Variants in EPAS1 observed in about 807,000 individuals in gnomAD.
The protein encoded by EPAS1 is endothelial PAS domain-containing protein 1.
Under a neutral mutation model 87.9 loss-of-function variants are expected in EPAS1, and 23 were observed. That is an observed-to-expected ratio of 0.26 (90% CI 0.19 to 0.37). EPAS1 has a LOEUF of 0.37. Among genes scored for constraint, EPAS1 ranks in the 10% least tolerant of loss-of-function variants. The probability of loss-of-function intolerance (pLI) is 1.00; values close to 1 mark genes in which losing one functional copy is unlikely to be tolerated. For missense variants in EPAS1, 1,138 were observed against 1,120.7 expected, an observed-to-expected ratio of 1.02 and a Z score of -0.22; for synonymous variants, 508 against 444.3, an observed-to-expected ratio of 1.14 and a Z score of -1.80.
chr2:46,328,317 T>C (rs987307035), intron 1 of EPAS1, among the ~76,000 whole-genome samples: 3 of 152,198 alleles, frequency 2.0e-5, no homozygotes, highest in African/African-American at 7.2e-5. Flanking sequence ...AGGCATTAAG[T>C]ACTTCTGTCC....
In EPAS1 at chr2:46,297,801, G is replaced by C. The variant is rs530436826; in HGVS notation, c.-111G>C. 6.8e-7 allele frequency: 1 copy of C among 1,477,378 alleles called. No individual in the cohort carries two copies. The allele number at this position is 1,477,378 out of a possible 1,614,324, so 91.5% of individuals were successfully genotyped here. On this transcript the variant is annotated 5_prime_UTR_variant, in exon 1 of 16. Transcript: ENST00000263734. ...GGCGCTCGGGACCTGCGCGCACCTCGGACCTTCACCACCCGCCCGGGCCGC... is the reference window on the plus strand; with the variant it reads ...GGCGCTCGGGACCTGCGCGCACCTCCGACCTTCACCACCCGCCCGGGCCGC...
Position 46,332,230 on chromosome 2 carries a change from C to T in EPAS1, c.27-14643C>T, listed in dbSNP as rs548090607. ...AAGAATGGTCCAGGAGTTTCAGTTC[C>T]CTGTCACCTGTCAGTGTTAATGGAC... is the stretch of plus-strand genomic sequence containing the variant. On this transcript the variant is annotated intron_variant, in intron 1 of 15. Transcript: ENST00000263734. Among the ~76,000 whole-genome samples the T allele has an allele frequency of 4.0e-5, 6 of 149,746 alleles. No individual in the cohort carries two copies. The South Asian group carries it at 1.3e-3, about 31-fold the overall frequency.
intron 7 of EPAS1, among the ~76,000 whole-genome samples, chr2:46,370,681 T>C (rs1684609920): frequency 6.6e-6 from 1 of 152,186 alleles, no homozygotes; most frequent in East Asian, 1.9e-4. Context: ...GAACTGAACT[T>C]TATACAATGT....
rs116510029 is a variant in EPAS1 at position 46,376,524 on chromosome 2, T to A, written c.1035-15T>A. On this transcript the variant is annotated splice_polypyrimidine_tract_variant and intron_variant, in intron 8 of 15. Coordinates refer to ENST00000263734, the MANE Select transcript of EPAS1 (RefSeq NM_001430.5). ...AAAATGTGGAAAGTCTGAATGGCTC[T>A]TTCCCCCCCATTAGTGAGATTGAGA... is the stretch of plus-strand genomic sequence containing the variant. 33 of 1,613,140 alleles carry A rather than the reference T, an allele frequency of 2.0e-5. No homozygotes were observed. Among genetic ancestry groups the A allele is most frequent in the Non-Finnish European group, 2.8e-5 (33 of 1,179,264 alleles).
intron 6 of EPAS1, 32 bp from the exon 7 acceptor site, chr2:46,369,795 C>G (rs1283632575): frequency 6.4e-7 from 1 of 1,551,126 alleles, no homozygotes. Context: ...TATGGTCTTT[C>G]TTCCTTACAT....
At chr2:46,365,749 C>T (rs769238596) in intron 6 of EPAS1, among the ~76,000 whole-genome samples, 16 of 152,086 alleles carry the variant, frequency 1.1e-4, no homozygotes, top group African/African-American at 2.9e-4. Context: ...TAAAACCAAC[C>T]GAAGGCACTG....
At chr2:46,384,449 A>G in intron 15 of EPAS1, 60 bp from the exon 16 acceptor site, 2 of 1,610,980 alleles carry the variant, frequency 1.2e-6, no homozygotes, top group Non-Finnish European at 1.7e-6. Flanking sequence ...ACAAAGAAGT[A>G]GACACTTTTC....
rs188317896 is a variant in EPAS1, at chr2:46,329,560, G to A, written c.27-17313G>A. Among the ~76,000 whole-genome samples, 313 of 152,134 alleles carry A rather than the reference G, an allele frequency of 2.1e-3. 2 individuals are homozygous for A. Among genetic ancestry groups the A allele is most frequent in the African/African-American group, 6.3e-3 (263 of 41,488 alleles). The stretch of plus-strand genomic sequence containing the variant: ...CACACACGGCCAGGCGTGGTGGCTC[G>A]CGCCTGTAATCCCAGCACTTTAGGA... On this transcript the variant is annotated intron_variant, in intron 1 of 15. Transcript: ENST00000263734.
intron 11 of EPAS1, among the ~76,000 whole-genome samples, chr2:46,379,285 G>C (rs1363242032): frequency 6.6e-6 from 1 of 152,154 alleles, no homozygotes; most frequent in African/African-American, 2.4e-5. Context: ...ATGTAAACAA[G>C]GATAAGGTAG....
intron 1 of EPAS1, among the ~76,000 whole-genome samples, chr2:46,302,780 A>C (rs1234058567): frequency 6.6e-6 from 1 of 151,510 alleles, no homozygotes; most frequent in Non-Finnish European, 1.5e-5. Context: ...AAGCTTAAGT[A>C]AAAATATAAG....
chr2:46,328,771 T>C (rs1242357484), intron 1 of EPAS1, among the ~76,000 whole-genome samples: 1 of 152,180 alleles, frequency 6.6e-6, no homozygotes, highest in Non-Finnish European at 1.5e-5. Flanking sequence ...AAAGGTGAAA[T>C]GTACAATATC....
At chr2:46,382,619 T>A (rs778958643) in intron 15 of EPAS1, 21 bp downstream of exon 15, 14 of 1,613,710 alleles carry the variant, frequency 8.7e-6, no homozygotes, top group Non-Finnish European at 1.1e-5. Context: ...CCAGGATCTG[T>A]CACCCCCATC....
chr2:46,363,117 T>C (rs1459194765), intron 6 of EPAS1, among the ~76,000 whole-genome samples: 2 of 152,212 alleles, frequency 1.3e-5, no homozygotes, highest in Admixed American at 6.5e-5. Context: ...GCAGTCTTTG[T>C]ATTCAGGTGA....
chr2:46,299,371 G>T (rs1331880251), intron 1 of EPAS1, among the ~76,000 whole-genome samples: 2 of 152,174 alleles, frequency 1.3e-5, no homozygotes, highest in African/African-American at 4.8e-5. Context: ...CGCGCCCTCA[G>T]ACCCAAGACA....
At chr2:46,324,121 C>T (rs1683507024) in intron 1 of EPAS1, among the ~76,000 whole-genome samples, 1 of 152,194 alleles carries the variant, frequency 6.6e-6, no homozygotes, top group Non-Finnish European at 1.5e-5. Flanking sequence ...GGCTGGAGTG[C>T]GGTGGTGCGA....
At chr2:46,322,202 C>A (rs1444715272) in intron 1 of EPAS1, among the ~76,000 whole-genome samples, 1 of 152,160 alleles carries the variant, frequency 6.6e-6, no homozygotes, top group East Asian at 1.9e-4. Context: ...ATTTCTCCAC[C>A]TGAAACAATA....
At chr2:46,344,403 C>A (rs187614896) in intron 1 of EPAS1, among the ~76,000 whole-genome samples, 1 of 152,274 alleles carries the variant, frequency 6.6e-6, no homozygotes, top group African/African-American at 2.4e-5. Flanking sequence ...CCCCTGATGA[C>A]GAGGTTATGT....
intron 1 of EPAS1, among the ~76,000 whole-genome samples, chr2:46,314,666 G>A (rs556535590): frequency 6.6e-5 from 10 of 152,314 alleles, no homozygotes; most frequent in Admixed American, 2.6e-4. Flanking sequence ...GTGGAGCCTC[G>A]TCCTGACTCC....
intron 15 of EPAS1, among the ~76,000 whole-genome samples, chr2:46,383,130 C>T (rs1448991656): frequency 2.0e-5 from 3 of 152,212 alleles, no homozygotes; most frequent in Non-Finnish European, 4.4e-5. Flanking sequence ...TTAGGGAGAA[C>T]CCTCCCATGA....
Sources: gnomAD v4.1 joint callset for allele counts (sites outside exome capture counted in the v4.1 genomes callset) on GRCh38, gnomAD v4.1.1 for gene constraint, MANE v1.5 for transcripts, NCBI Gene and HGNC (gene_info 2026-07-23, HGNC 2026-07-21) for gene names.